Variants in ESRRG observed in about 807,000 individuals in gnomAD.
ESRRG encodes the protein estrogen related receptor gamma.
ESRRG carries 13 observed loss-of-function variants against 44.0 expected under a neutral mutation model. The ratio of observed to expected loss-of-function variants is 0.30; its 90% CI spans 0.19 to 0.47. The LOEUF (loss-of-function observed/expected upper bound fraction) is 0.47, where lower values mean the gene tolerates loss of function less well. Among genes scored for constraint, ESRRG ranks in the 20% least tolerant of loss-of-function variants. ESRRG has a pLI of 1.00. For missense variants in ESRRG, 395 were observed against 580.6 expected (o/e 0.68, Z 3.29); for synonymous variants, 215 against 214.6 (o/e 1.00, Z -0.02).
At chr1:216,735,111 C>G (rs987965661) in intron 2 of ESRRG, among the ~76,000 whole-genome samples, 4 of 151,872 alleles carry the variant, frequency 2.6e-5, no homozygotes, top group African/African-American at 9.7e-5. Flanking sequence ...TTTTCACCAT[C>G]TTGGCCAGGC....
At chr1:216,879,064 T>C (rs1026043734) in intron 2 of ESRRG, among the ~76,000 whole-genome samples, 25 of 152,214 alleles carry the variant, frequency 1.6e-4, no homozygotes, top group Admixed American at 1.2e-3. Context: ...ACAAACTGGA[T>C]TTTAACCAAC....
intron 2 of ESRRG, among the ~76,000 whole-genome samples, chr1:216,836,093 C>CAAAA (rs34241468): frequency 1.0e-4 from 10 of 97,770 alleles, no homozygotes; most frequent in Admixed American, 1.1e-4. Context: ...GCTGCGATTT[C>CAAAA]AAAAAAAAAA....
At chr1:216,877,373 T>C (rs2096371492) in intron 2 of ESRRG, among the ~76,000 whole-genome samples, 1 of 93,688 alleles carries the variant, frequency 1.1e-5, no homozygotes, top group African/African-American at 8.2e-5. Flanking sequence ...TTTTTATAGG[T>C]ATGGTGTTTT....
intron 3 of ESRRG, among the ~76,000 whole-genome samples, chr1:216,590,313 G>A (rs1484457487): frequency 6.6e-6 from 1 of 152,064 alleles, no homozygotes; most frequent in Non-Finnish European, 1.5e-5. Flanking sequence ...TATGGAACTG[G>A]ATTAGTTTTG....
intron 1 of ESRRG, among the ~76,000 whole-genome samples, chr1:216,954,063 A>T (rs1431863770): frequency 6.6e-6 from 1 of 152,152 alleles, no homozygotes; most frequent in Non-Finnish European, 1.5e-5. Context: ...ATTGTTAAAG[A>T]GAAGATAAAT....
intron 2 of ESRRG, among the ~76,000 whole-genome samples, chr1:216,891,970 C>T (rs7519967): frequency 0.51 from 76,825 of 151,360 alleles, 20,507 homozygotes; most frequent in East Asian, 0.81. Flanking sequence ...GCATGCCCGA[C>T]TAATTTTTGT....
At chr1:216,657,281 A>G (rs1336831781) in intron 2 of ESRRG, among the ~76,000 whole-genome samples, 2 of 152,194 alleles carry the variant, frequency 1.3e-5, no homozygotes, top group Non-Finnish European at 2.9e-5. Flanking sequence ...ATGCACATGT[A>G]AGTTAAGGGA....
rs144894777 is a variant in ESRRG at position 216,683,794 on chromosome 1, G to T, written c.57-6303C>A. Among the ~76,000 whole-genome samples the T allele has an allele frequency of 2.6e-4, 40 of 152,228 alleles. No homozygotes were observed. The East Asian group carries it at 7.7e-3, about 29-fold the overall frequency. On this transcript the variant is annotated intron_variant, in intron 1 of 6. Transcript: ENST00000408911. ...CTCACTGAAACCCTATCTGCTTTTA[G>T]GGTTGTAGAGTTCAATGGTCCTTTC...
chr1:216,918,137 A>C (rs1229986336), intron 2 of ESRRG, among the ~76,000 whole-genome samples: 7 of 152,216 alleles, frequency 4.6e-5, no homozygotes, highest in African/African-American at 1.7e-4. Flanking sequence ...TAAAATCTAC[A>C]AAGGCATTTG....
intron 2 of ESRRG, among the ~76,000 whole-genome samples, chr1:216,666,190 T>C (rs78662724): frequency 0.03 from 4,643 of 152,248 alleles, 135 homozygotes; most frequent in Non-Finnish European, 0.044. Flanking sequence ...CACAACTAGT[T>C]ACCAAGCAAA....
At chr1:216,640,488 GGAGAGAGA>G (rs72397494) in intron 3 of ESRRG, among the ~76,000 whole-genome samples, 44 of 146,912 alleles carry the variant, frequency 3.0e-4, no homozygotes, top group South Asian at 4.4e-4. Flanking sequence ...ACTAAGTGAG[GGAGAGAGA>G]GAGAGAGAGA....
chr1:217,030,007 C>T (rs924783320), intron 1 of ESRRG, among the ~76,000 whole-genome samples: 81 of 152,134 alleles, frequency 5.3e-4, no homozygotes, highest in African/African-American at 1.9e-3. Context: ...AGAGAAAAAC[C>T]GAAGCTGGGT....
chr1:217,020,693 C>T (rs2080157235), intron 1 of ESRRG, among the ~76,000 whole-genome samples: 1 of 152,128 alleles, frequency 6.6e-6, no homozygotes. Flanking sequence ...TCGTTTAAGA[C>T]TTATAAGGTG....
chr1:216,973,719 G>A (rs1399017587), intron 1 of ESRRG, among the ~76,000 whole-genome samples: 2 of 152,026 alleles, frequency 1.3e-5, no homozygotes, highest in South Asian at 2.1e-4. Context: ...CCAGCTACTC[G>A]GGAGGCTGAG....
intron 3 of ESRRG, among the ~76,000 whole-genome samples, chr1:216,591,201 GAGA>G (rs2057605879): frequency 6.6e-6 from 1 of 152,226 alleles, no homozygotes; most frequent in South Asian, 2.1e-4. Flanking sequence ...CCAAAGAGAA[GAGA>G]AGGACTGAAG....
intron 2 of ESRRG, among the ~76,000 whole-genome samples, chr1:216,767,338 G>A (rs2093134567): frequency 6.6e-6 from 1 of 151,988 alleles, no homozygotes. Context: ...TGAAAAATAA[G>A]GGCATACAGA....
At chr1:216,913,553 T>C (rs1389627284) in intron 2 of ESRRG, among the ~76,000 whole-genome samples, 2 of 152,334 alleles carry the variant, frequency 1.3e-5, no homozygotes, top group South Asian at 2.1e-4. Flanking sequence ...ATCAGTGGAT[T>C]GTGGCTTCGA....
At chr1:216,960,283 T>C (rs1451557409) in intron 1 of ESRRG, among the ~76,000 whole-genome samples, 1 of 152,182 alleles carries the variant, frequency 6.6e-6, no homozygotes. Context: ...GAATAAACTC[T>C]CATGGATCTA....
chr1:216,574,816 A>C (rs1430164046), intron 3 of ESRRG, among the ~76,000 whole-genome samples: 1 of 152,168 alleles, frequency 6.6e-6, no homozygotes. Context: ...CAGAATGGAA[A>C]GGCAAGACTT....
Sources: gnomAD v4.1 joint callset for allele counts (sites outside exome capture counted in the v4.1 genomes callset) on GRCh38, gnomAD v4.1.1 for gene constraint, MANE v1.5 for transcripts, NCBI Gene and HGNC (gene_info 2026-07-23, HGNC 2026-07-21) for gene names.